Variants in ST3GAL2 observed in about 807,000 individuals in gnomAD.
The protein encoded by ST3GAL2 is CMP-N-acetylneuraminate-beta-galactosamide-alpha-2,3-sialyltransferase 2.
In ST3GAL2, 16 loss-of-function variants were observed where a neutral mutation model predicts 37.5. The observed-to-expected ratio is 0.43, with a 90% CI of 0.29 to 0.65. The LOEUF is 0.65. Ranked by LOEUF, ST3GAL2 falls within the 30% of genes least tolerant of loss-of-function variation. ST3GAL2 has a pLI of 0.17. For synonymous variants in ST3GAL2, 238 were observed against 202.9 expected (o/e 1.17, Z -1.47); for missense variants, 383 against 487.8 (o/e 0.79, Z 2.02).
At chr16:70,436,722 G>A (rs530252339) in intron 1 of ST3GAL2, among the ~76,000 whole-genome samples, 32 of 152,130 alleles carry the variant, frequency 2.1e-4, no homozygotes, top group Non-Finnish European at 2.8e-4. Context: ...GAGACCTTCC[G>A]CTGTAATTCA....
chr16:70,410,406 A>G (rs1215477645), intron 1 of ST3GAL2, among the ~76,000 whole-genome samples: 1 of 151,074 alleles, frequency 6.6e-6, no homozygotes, highest in Non-Finnish European at 1.5e-5. Context: ...GCCCACCACC[A>G]TGCCCGGCTA....
In ST3GAL2 at chr16:70,398,488, G is replaced by C. The variant is rs778324306; in HGVS notation, c.43C>G (p.Leu15Val). 1 of 1,612,770 alleles carries C rather than the reference G, an allele frequency of 6.2e-7. No homozygotes were observed. Among genetic ancestry groups the C allele is most frequent in the South Asian group, 1.1e-5 (1 of 91,042 alleles). Residue 15 changes from leucine (L) to valine (V), a missense_variant, in exon 2 of 7, where the codon CTG becomes GTG. Coordinates refer to ENST00000342907, the MANE Select transcript of ST3GAL2 (RefSeq NM_006927.4). The stretch of plus-strand genomic sequence containing the variant: ...AGCAGGGACATGATGAACACCAGCA[G>C]GAAGGCCACGGAGAGGAACCACACC... Reference protein sequence around the residue: ...LRVWFLSVAFLLVFIMSLLFT... With the variant: ...LRVWFLSVAFVLVFIMSLLFT...
chr16:70,395,507 A>G (rs972392050), intron 2 of ST3GAL2, among the ~76,000 whole-genome samples: 5 of 152,188 alleles, frequency 3.3e-5, no homozygotes, highest in Non-Finnish European at 5.9e-5. Context: ...TGGGCCACGG[A>G]GCAGAGCAGC....
At chr16:70,411,601 G>C (rs968013112) in intron 1 of ST3GAL2, among the ~76,000 whole-genome samples, 3 of 152,000 alleles carry the variant, frequency 2.0e-5, no homozygotes, top group Non-Finnish European at 4.4e-5. Flanking sequence ...CCCAACCCTG[G>C]AACTACTGAC....
chr16:70,414,984 C>T (rs2151671459), intron 1 of ST3GAL2, among the ~76,000 whole-genome samples: 1 of 152,282 alleles, frequency 6.6e-6, no homozygotes, highest in South Asian at 2.1e-4. Flanking sequence ...TGCCATTCTC[C>T]TGCGTCAGCC....
chr16:70,394,092 G>A (rs2047499613), intron 3 of ST3GAL2, among the ~76,000 whole-genome samples: 1 of 152,144 alleles, frequency 6.6e-6, no homozygotes, highest in African/African-American at 2.4e-5. Context: ...TCGTGAGCCT[G>A]CCCCCTATTC....
At chr16:70,388,283 G>A (rs1456055835) in intron 4 of ST3GAL2, 84 bp downstream of exon 4, 1 of 1,557,180 alleles carries the variant, frequency 6.4e-7, no homozygotes, top group Non-Finnish European at 8.8e-7. Flanking sequence ...TTCAATGAAA[G>A]GAATCCTACA....
chr16:70,434,169 T>C (rs1425626915), intron 1 of ST3GAL2, among the ~76,000 whole-genome samples: 3 of 152,190 alleles, frequency 2.0e-5, no homozygotes, highest in Non-Finnish European at 2.9e-5. Flanking sequence ...CCAGGCACAG[T>C]GTCTCACACC....
At chr16:70,435,111 C>CG in intron 1 of ST3GAL2, among the ~76,000 whole-genome samples, 1 of 152,296 alleles carries the variant, frequency 6.6e-6, no homozygotes, top group Non-Finnish European at 1.5e-5. Flanking sequence ...CACACAGCCA[C>CG]CCTTTTCCAA....
intron 2 of ST3GAL2, 138 bp from the exon 3 acceptor site, chr16:70,395,313 CA>C: frequency 1.3e-6 from 1 of 789,914 alleles, no homozygotes; most frequent in Non-Finnish European, 1.9e-6. Flanking sequence ...TGCCAGGGAA[CA>C]GGGGTTCTTT....
intron 1 of ST3GAL2, among the ~76,000 whole-genome samples, chr16:70,413,269 A>T (rs2047651803): frequency 7.0e-6 from 1 of 141,908 alleles, no homozygotes. Context: ...AAAAAAAGTT[A>T]GCTGGGCATG....
Position 70,405,674 on chromosome 16 carries a change from G to C in ST3GAL2, c.-1003-6141C>G, listed in dbSNP as rs2575378. 2.0e-4 allele frequency among the ~76,000 whole-genome samples: 30 copies of C among 152,294 alleles called. 1 individual carries two copies. Among genetic ancestry groups the C allele is most frequent in the South Asian group, 8.3e-4 (4 of 4,820 alleles). On this transcript the variant is annotated intron_variant, in intron 1 of 6. Coordinates refer to ENST00000342907, the MANE Select transcript of ST3GAL2 (RefSeq NM_006927.4). ...GACAGTAGATTACCAGTTGCCAGGG[G>C]CTGGAGGATAGAGAAGAATGGGGAA...
chr16:70,398,095 A>AT (rs36100329), intron 2 of ST3GAL2, 97 bp downstream of exon 2: 1 of 1,329,046 alleles, frequency 7.5e-7, no homozygotes, highest in Non-Finnish European at 1.0e-6. Context: ...TCAAACAGGC[A>AT]TTTTGTCAAG....
intron 1 of ST3GAL2, among the ~76,000 whole-genome samples, chr16:70,419,712 G>A (rs981028165): frequency 6.6e-6 from 1 of 152,186 alleles, no homozygotes; most frequent in Non-Finnish European, 1.5e-5. Flanking sequence ...CGCTCGCCTC[G>A]CTAGTGCTGG....
In ST3GAL2 at chr16:70,398,334, G is replaced by C; in HGVS notation, c.197C>G (p.Ser66Trp). 2.5e-6 allele frequency: 4 copies of C among 1,613,474 alleles called. No individual in the cohort carries two copies. The highest frequency in any genetic ancestry group is 3.4e-6 in the Non-Finnish European group (4 of 1,180,036). The change falls in exon 2 of 7, where the codon TCG becomes TGG. Residue 66 changes from serine to tryptophan, a missense_variant. Ser to Trp is a radical substitution (Grantham distance 177). Around this residue, in one of 2 missense-constraint regions of ST3GAL2, gnomAD observed 223 missense variants for 239.1 expected, o/e 0.93. Transcript: ENST00000342907. ...GCGGCGACAGGCACAGCTCTTGCCC[G>C]AGAGCCTCTCCTTGCTGAGGCGCTG... ...GLQRLSKERL[S>W]GKSCACRRCM... is the part of the protein sequence containing the mutation.
At chr16:70,409,646 T>A (rs943044031) in intron 1 of ST3GAL2, among the ~76,000 whole-genome samples, 71 of 151,840 alleles carry the variant, frequency 4.7e-4, no homozygotes, top group Non-Finnish European at 1.5e-4. Context: ...CCCAGGCTTT[T>A]TCCCCCTTTT....
chr16:70,389,299 TA>T (rs1248025895), intron 3 of ST3GAL2, among the ~76,000 whole-genome samples: 2 of 150,838 alleles, frequency 1.3e-5, no homozygotes, highest in Non-Finnish European at 2.9e-5. Context: ...TTTATTTATT[TA>T]CTTTTAATTA....
At chr16:70,401,283 T>C (rs2047553075) in intron 1 of ST3GAL2, among the ~76,000 whole-genome samples, 1 of 152,150 alleles carries the variant, frequency 6.6e-6, no homozygotes, top group South Asian at 2.1e-4. Context: ...AGGGAAGTCA[T>C]TAACTCCTTG....
At chr16:70,416,779 A>C (rs1242031113) in intron 1 of ST3GAL2, among the ~76,000 whole-genome samples, 4 of 146,960 alleles carry the variant, frequency 2.7e-5, no homozygotes, top group African/African-American at 1.1e-4. Context: ...AAATTGAGCA[A>C]ATCTGAGCCT....
Sources: gnomAD v4.1 joint callset for allele counts (sites outside exome capture counted in the v4.1 genomes callset) on GRCh38, gnomAD v4.1.1 for gene constraint, gnomAD v4.1.1 regional missense constraint, MANE v1.5 for transcripts, NCBI Gene and HGNC (gene_info 2026-07-23, HGNC 2026-07-21) for gene names.